The following NUDCD3 variants were observed in gnomAD, a reference collection of about 807,000 sequenced individuals.
NUDCD3 encodes the protein NudC domain containing 3, also known as nudC domain-containing protein 3.
Under a neutral mutation model 39.7 loss-of-function variants are expected in NUDCD3, and 13 were observed. The observed-to-expected ratio is 0.33, with a 90% CI of 0.21 to 0.52. NUDCD3 has a LOEUF of 0.52. Among genes scored for constraint, NUDCD3 ranks in the 20% least tolerant of loss-of-function variants. The probability of loss-of-function intolerance (pLI) is 0.96; values close to 1 mark genes in which losing one functional copy is unlikely to be tolerated. For synonymous variants in NUDCD3, 175 were observed against 172.4 expected (o/e 1.02, Z -0.12); for missense variants, 453 against 458.1 (o/e 0.99, Z 0.10).
intron 2 of NUDCD3, chr7:44,481,339 C>T (rs1370877099): frequency 6.6e-6 from 1 of 152,188 alleles, no homozygotes; most frequent in African/African-American, 2.4e-5. Flanking sequence ...CATAGCAGGC[C>T]AATGTGGAAC....
chr7:44,402,468 T>C (rs531975858), intron 4 of NUDCD3, among the ~76,000 whole-genome samples: 1 of 152,336 alleles, frequency 6.6e-6, no homozygotes, highest in African/African-American at 2.4e-5. Context: ...TATGTATTAA[T>C]AATCACATAT....
At chr7:44,430,554 C>T (rs111861240) in intron 2 of NUDCD3, among the ~76,000 whole-genome samples, 1 of 140,772 alleles carries the variant, frequency 7.1e-6, no homozygotes. Flanking sequence ...AATAAAATAC[C>T]CACACACACA....
At chr7:44,386,620 TATC>T (rs1355380971) in intron 5 of NUDCD3, among the ~76,000 whole-genome samples, 1 of 152,178 alleles carries the variant, frequency 6.6e-6, no homozygotes, top group Non-Finnish European at 1.5e-5. Flanking sequence ...TCAAGAACTA[TATC>T]ATCAGACAAT....
chr7:44,482,798 A>G (rs189016630), intron 2 of NUDCD3, among the ~76,000 whole-genome samples: 310 of 152,346 alleles, frequency 2.0e-3, no homozygotes, highest in Non-Finnish European at 3.6e-3. Flanking sequence ...ACAAACCAAG[A>G]AATCACAGAG....
At chr7:44,389,475 G>A (rs1384402666) in intron 5 of NUDCD3, among the ~76,000 whole-genome samples, 4 of 152,124 alleles carry the variant, frequency 2.6e-5, no homozygotes, top group South Asian at 2.1e-4. Flanking sequence ...TCAGGAGATC[G>A]AGACCATCCT....
intron 2 of NUDCD3, among the ~76,000 whole-genome samples, chr7:44,465,655 CG>C (rs1386602779): frequency 6.6e-6 from 1 of 152,080 alleles, no homozygotes; most frequent in Non-Finnish European, 1.5e-5. Context: ...ATCTCCTGAC[CG>C]GTACACCAGA....
intron 2 of NUDCD3, among the ~76,000 whole-genome samples, chr7:44,483,200 A>G (rs185760255): frequency 5.9e-5 from 9 of 152,306 alleles, no homozygotes; most frequent in East Asian, 1.9e-4. Context: ...AGGAACTGAT[A>G]TAACAAGAGA....
chr7:44,422,702 G>C (rs1454692855), intron 3 of NUDCD3, among the ~76,000 whole-genome samples: 1 of 152,154 alleles, frequency 6.6e-6, no homozygotes, highest in Non-Finnish European at 1.5e-5. Context: ...AATTCTACCA[G>C]AGGTACAAAG....
intron 2 of NUDCD3, among the ~76,000 whole-genome samples, chr7:44,458,936 CTGTGTGTGTGTGTGTG>C (rs55947411): frequency 0.038 from 4,374 of 116,124 alleles, 161 homozygotes; most frequent in African/African-American, 0.1. Context: ...ACGGGGAGTG[CTGTGTGTGTGTGTGTG>C]TGTGTGTGTG....
At chr7:44,488,353 A>AG (rs1800661116) in intron 1 of NUDCD3, among the ~76,000 whole-genome samples, 2 of 151,570 alleles carry the variant, frequency 1.3e-5, no homozygotes, top group African/African-American at 4.9e-5. Flanking sequence ...AAAAAAAAAA[A>AG]AAAAGAAAGA....
chr7:44,403,315 G>T (rs1348181120), intron 4 of NUDCD3, among the ~76,000 whole-genome samples: 1 of 152,228 alleles, frequency 6.6e-6, no homozygotes, highest in Non-Finnish European at 1.5e-5. Flanking sequence ...CACACATAGG[G>T]CCTCACGTAG....
At chr7:44,467,023 G>A (rs1342877419) in intron 2 of NUDCD3, among the ~76,000 whole-genome samples, 1 of 152,168 alleles carries the variant, frequency 6.6e-6, no homozygotes, top group East Asian at 1.9e-4. Context: ...TGAAGATTGA[G>A]GGGCACTGAC....
intron 2 of NUDCD3, among the ~76,000 whole-genome samples, chr7:44,442,468 T>C (rs1445286229): frequency 6.6e-6 from 1 of 151,626 alleles, no homozygotes; most frequent in African/African-American, 2.4e-5. Context: ...TGCAGGAGAG[T>C]ATGCACCTGG....
In NUDCD3 at chr7:44,382,405, G is replaced by C. The variant is rs1239529803; in HGVS notation, c.*3606C>G. On this transcript the variant is annotated 3_prime_UTR_variant, in exon 6 of 6. Transcript: ENST00000355451. ...GTGAGTAGTTTAGTCTGAAATGACA[G>C]AATATTCATTTTTCGTCTCTCTGAG... 1.3e-5 allele frequency: 2 copies of C among 152,164 alleles called. No individual in the cohort carries two copies. Among genetic ancestry groups the C allele is most frequent in the African/African-American group, 4.8e-5 (2 of 41,426 alleles). The allele number at this position is 152,164 out of a possible 1,614,324, so 9.4% of individuals were successfully genotyped here.
chr7:44,422,734 T>G (rs1186474409), intron 3 of NUDCD3, among the ~76,000 whole-genome samples: 6 of 152,208 alleles, frequency 3.9e-5, no homozygotes, highest in Admixed American at 3.9e-4. Flanking sequence ...CCATTCCTTC[T>G]GAAACTATTC....
intron 1 of NUDCD3, among the ~76,000 whole-genome samples, chr7:44,487,801 A>G (rs1563192806): frequency 6.6e-6 from 1 of 151,806 alleles, no homozygotes. Context: ...TAAAAATACA[A>G]AAATTCTCTA....
chr7:44,477,347 A>G (rs947202325), intron 2 of NUDCD3, among the ~76,000 whole-genome samples: 16 of 152,220 alleles, frequency 1.1e-4, no homozygotes, highest in African/African-American at 3.6e-4. Flanking sequence ...CAAAGACAAC[A>G]GTTTCTAGGC....
At chr7:44,407,566 CAAAA>C (rs758475229) in intron 3 of NUDCD3, among the ~76,000 whole-genome samples, 2 of 48,366 alleles carry the variant, frequency 4.1e-5, no homozygotes, top group African/African-American at 7.0e-5. Context: ...AATTCTGTCT[CAAAA>C]AAAAAAAAAA....
At chr7:44,427,730 C>T (rs1321555464) in intron 2 of NUDCD3, 27 bp from the exon 3 acceptor site, 8 of 1,610,598 alleles carry the variant, frequency 5.0e-6, no homozygotes, top group Non-Finnish European at 6.8e-6. Context: ...AATGTGATCC[C>T]AGTCAGCCAT....
Sources: gnomAD v4.1 joint callset for allele counts (sites outside exome capture counted in the v4.1 genomes callset) on GRCh38, gnomAD v4.1.1 for gene constraint, MANE v1.5 for transcripts, NCBI Gene and HGNC (gene_info 2026-07-23, HGNC 2026-07-21) for gene names.